RPA3: variants seen among roughly 807,000 people sequenced by gnomAD.
The protein encoded by RPA3 is replication protein A 14 kDa subunit.
Under a neutral mutation model 13.7 loss-of-function variants are expected in RPA3, and 24 were observed. The ratio of observed to expected loss-of-function variants is 1.75; its 90% confidence interval spans 1.27 to 2.46. The LOEUF (loss-of-function observed/expected upper bound fraction) is 2.46. RPA3 is among the 30% of genes most tolerant of loss of function. RPA3 has a pLI of 0.00. For synonymous variants in RPA3, 59 were observed against 51.2 expected (o/e 1.15, Z -0.65); for missense variants, 183 against 151.0 (o/e 1.21, Z -1.11).
chr7:7,659,027 G>C (rs1395303819), intron 4 of RPA3, among the ~76,000 whole-genome samples: 1 of 152,186 alleles, frequency 6.6e-6, no homozygotes, highest in Non-Finnish European at 1.5e-5. Flanking sequence ...TCCTGGTTTA[G>C]ACTTGGGAAG....
intron 6 of RPA3, 145 bp downstream of exon 6, chr7:7,638,925 C>T (rs1047103332): frequency 1.6e-5 from 8 of 515,830 alleles, no homozygotes; most frequent in Middle Eastern, 3.5e-4. Flanking sequence ...GAGAATAGTA[C>T]AAGAATTAAA....
chr7:7,653,674 C>T (rs994010648), intron 4 of RPA3, among the ~76,000 whole-genome samples: 3 of 152,218 alleles, frequency 2.0e-5, no homozygotes, highest in Admixed American at 1.3e-4. Flanking sequence ...GTCTGACGCT[C>T]CCAGACCTAG....
At chr7:7,701,477 T>C (rs1259446761) in intron 2 of RPA3, among the ~76,000 whole-genome samples, 1 of 152,236 alleles carries the variant, frequency 6.6e-6, no homozygotes, top group African/African-American at 2.4e-5. Flanking sequence ...TGCTAGAGAC[T>C]TTCTCAGTGC....
At chr7:7,702,330 A>T (rs1013925192) in intron 2 of RPA3, among the ~76,000 whole-genome samples, 1 of 152,160 alleles carries the variant, frequency 6.6e-6, no homozygotes, top group African/African-American at 2.4e-5. Flanking sequence ...ACTGACTTTT[A>T]AGGAAAGATG....
At chr7:7,702,638 T>C (rs1780488838) in intron 2 of RPA3, among the ~76,000 whole-genome samples, 1 of 152,246 alleles carries the variant, frequency 6.6e-6, no homozygotes, top group Non-Finnish European at 1.5e-5. Context: ...AAGCAAAAGT[T>C]TCTTAATGTC....
intron 4 of RPA3, among the ~76,000 whole-genome samples, chr7:7,664,853 T>C (rs1181322155): frequency 1.3e-5 from 2 of 152,206 alleles, no homozygotes; most frequent in Non-Finnish European, 2.9e-5. Flanking sequence ...ATTAGTAAAC[T>C]TGTTGTCTAA....
intron 4 of RPA3, among the ~76,000 whole-genome samples, chr7:7,647,279 T>C (rs1266429334): frequency 2.0e-5 from 3 of 152,222 alleles, no homozygotes; most frequent in Non-Finnish European, 4.4e-5. Flanking sequence ...GTATAGGTTT[T>C]ATTAAAGTTA....
Position 7,637,928 on chromosome 7 carries a change from T to C in RPA3, c.219A>G (p.Val73=). The C allele has an allele frequency of 6.2e-7, 1 of 1,613,772 alleles. No homozygotes were observed. The highest frequency in any genetic ancestry group is 1.1e-5 in the South Asian group (1 of 91,074). The change falls in exon 7 of 8, where the codon GTA becomes GTG. Residue 73 remains valine, a synonymous_variant. Transcript: ENST00000223129. ...TACACAAGATGGTGGCCTTGGCGGT[T>C]ACTCTTCCAACCACTTCCACAATTC... The part of the protein sequence containing the change: ...ISGIVEVVGR[V]TAKATILCTS...
chr7:7,661,015 T>G (rs1322432817), intron 4 of RPA3, among the ~76,000 whole-genome samples: 1 of 151,998 alleles, frequency 6.6e-6, no homozygotes, highest in South Asian at 2.1e-4. Flanking sequence ...GATTGTTTTT[T>G]TTTTGTTTTG....
intron 4 of RPA3, among the ~76,000 whole-genome samples, chr7:7,681,697 C>T (rs1779916467): frequency 6.6e-6 from 1 of 152,030 alleles, no homozygotes; most frequent in African/African-American, 2.4e-5. Flanking sequence ...TTTTCATAGC[C>T]TTATACTACT....
chr7:7,642,375 A>G (rs1317721867), intron 4 of RPA3, among the ~76,000 whole-genome samples: 3 of 151,772 alleles, frequency 2.0e-5, no homozygotes, highest in Non-Finnish European at 4.4e-5. Context: ...GCTTATCTCA[A>G]ACTCCTGGGC....
At position 7,640,730 on chromosome 7, in the gene RPA3, C is replaced by A. The variant is rs1035504721; in HGVS notation, c.-312G>T. ...GGCGGAACCTGAGACTACCTTTCTG[C>A]GATCACAGGATTCCCGGCGGTGACT... On this transcript the variant is annotated 5_prime_UTR_variant, in exon 5 of 8. Coordinates refer to ENST00000223129, the MANE Select transcript of RPA3 (RefSeq NM_002947.5). 3 of 295,454 alleles carry A rather than the reference C, an allele frequency of 1.0e-5. No individual in the cohort carries two copies. Among genetic ancestry groups the A allele is most frequent in the African/African-American group, 4.4e-5 (2 of 45,246 alleles). The allele number at this position is 295,454 out of a possible 1,614,324, so 18.3% of individuals were successfully genotyped here.
intron 1 of RPA3, among the ~76,000 whole-genome samples, chr7:7,715,770 A>C (rs1021604335): frequency 6.6e-6 from 1 of 152,218 alleles, no homozygotes; most frequent in Non-Finnish European, 1.5e-5. Flanking sequence ...TGTAAGAAAG[A>C]GTTTTGAGTT....
intron 4 of RPA3, among the ~76,000 whole-genome samples, chr7:7,653,579 A>G (rs185874326): frequency 1.3e-5 from 2 of 152,366 alleles, no homozygotes; most frequent in East Asian, 1.9e-4. Context: ...ACCCATTCAC[A>G]GAGGAGTTAC....
chr7:7,651,097 CA>C (rs1251912465), intron 4 of RPA3, among the ~76,000 whole-genome samples: 2 of 152,062 alleles, frequency 1.3e-5, no homozygotes, highest in African/African-American at 4.8e-5. Context: ...GGTAATATAG[CA>C]AATCAGACAT....
At chr7:7,681,765 T>C (rs1431299009) in intron 4 of RPA3, among the ~76,000 whole-genome samples, 2 of 152,166 alleles carry the variant, frequency 1.3e-5, no homozygotes, top group African/African-American at 2.4e-5. Context: ...TCTCCTGTTA[T>C]GACATGTTTA....
chr7:7,690,343 T>C (rs929349307), intron 2 of RPA3, among the ~76,000 whole-genome samples: 9 of 152,132 alleles, frequency 5.9e-5, no homozygotes, highest in Non-Finnish European at 1.3e-4. Context: ...CCTTTTACCA[T>C]CCCAAATTTC....
intron 6 of RPA3, chr7:7,638,272 G>A (rs1010435968): frequency 2.0e-5 from 5 of 244,748 alleles, no homozygotes; most frequent in African/African-American, 8.8e-5. Flanking sequence ...TCCTATGAGA[G>A]GAATCTTCTA....
chr7:7,649,522 G>A (rs9791866), intron 4 of RPA3, among the ~76,000 whole-genome samples: 46,445 of 151,944 alleles, frequency 0.31, 9,024 homozygotes, highest in East Asian at 0.79. Flanking sequence ...TCAAACCACA[G>A]CAGGATTAAT....
Sources: allele counts gnomAD v4.1 joint callset (sites outside exome capture counted in the v4.1 genomes callset), GRCh38; gene constraint gnomAD v4.1.1; transcripts MANE v1.5; gene names NCBI Gene and HGNC (gene_info 2026-07-23, HGNC 2026-07-21).